The following GFM1 variants were observed in gnomAD, a reference collection of about 807,000 sequenced individuals.
The protein encoded by GFM1 is elongation factor G, mitochondrial.
Under a neutral mutation model 96.2 loss-of-function variants are expected in GFM1, and 62 were observed. The ratio of observed to expected loss-of-function variants is 0.64; its 90% CI spans 0.53 to 0.80. The LOEUF (loss-of-function observed/expected upper bound fraction) is 0.80. Among genes scored for constraint, GFM1 ranks in the 30% least tolerant of loss-of-function variants. GFM1 has a pLI of 0.00. For synonymous variants in GFM1, 282 were observed against 312.9 expected (o/e 0.90, Z 1.04); for missense variants, 852 against 916.6 (o/e 0.93, Z 0.91).
At chr3:158,655,353 G>A (rs554316689) in intron 8 of GFM1, among the ~76,000 whole-genome samples, 3 of 151,918 alleles carry the variant, frequency 2.0e-5, no homozygotes, top group Non-Finnish European at 4.4e-5. Flanking sequence ...GTATGGTGGC[G>A]GACACCTGTA....
At chr3:158,684,829 AT>A in intron 15 of GFM1, 161 bp downstream of exon 15, 1 of 671,512 alleles carries the variant, frequency 1.5e-6, no homozygotes, top group East Asian at 2.7e-5. Flanking sequence ...ATCAAGGTAG[AT>A]TATTATGTTC....
Position 158,667,132 on chromosome 3 carries a change from A to G in GFM1, c.1601+746A>G. 4 of 1,451,488 alleles carry G rather than the reference A, an allele frequency of 2.8e-6. No homozygotes were observed. In the South Asian group the frequency reaches 5.4e-5, roughly 19 times the overall value. The allele number at this position is 1,451,488 out of a possible 1,614,324, so 89.9% of individuals were successfully genotyped here. A position where few individuals can be genotyped will look rare whatever the true frequency, so the allele number is the denominator to read the frequency against. ...ACTTAATATCTTTGGCAAAAATTAC[A>G]TTTAATTTTGAAAATCATCTTTGAT... On this transcript the variant is annotated intron_variant, in intron 13 of 17. Transcript: ENST00000486715.
At position 158,690,332 on chromosome 3, in the gene GFM1, T is replaced by G; in HGVS notation, c.2070+9T>G. 1.2e-6 allele frequency: 2 copies of G among 1,612,726 alleles called. No homozygotes were observed. The highest frequency in any genetic ancestry group is 1.7e-6 in the Non-Finnish European group (2 of 1,178,742). ...TTACACTGTATGCAGATGTAAGTAG[T>G]CTTGGTCATTGGCAGTCCTGCTTTT... On this transcript the variant is annotated intron_variant, in intron 16 of 17. Coordinates refer to ENST00000486715, the MANE Select transcript of GFM1 (RefSeq NM_024996.7).
rs1322737257 is a variant in GFM1, at chr3:158,684,616, T to A, written c.1857T>A (p.Val619=). The part of the protein sequence containing the change: ...FVLQDGAHHM[V]DSNEISFIRA... ...TGCAAGATGGAGCACACCACATGGTTGATTCTAATGAAATCTCTTTCATCC... is the reference window on the plus strand; with the variant it reads ...TGCAAGATGGAGCACACCACATGGTAGATTCTAATGAAATCTCTTTCATCC... Residue 619 remains valine (V), a synonymous_variant, in exon 15 of 18, where the codon GTT becomes GTA. Transcript: ENST00000486715. 1 of 1,614,138 alleles carries A rather than the reference T, an allele frequency of 6.2e-7. No individual in the cohort carries two copies. The highest frequency in any genetic ancestry group is 2.2e-5 in the East Asian group (1 of 44,882).
intron 14 of GFM1, chr3:158,682,408 A>G (rs1218093357): frequency 2.2e-6 from 1 of 456,450 alleles, no homozygotes; most frequent in Non-Finnish European, 4.0e-6. Flanking sequence ...TTTCTTAATA[A>G]ATTGAAACTA....
intron 13 of GFM1, 64 bp downstream of exon 13, chr3:158,666,450 A>C: frequency 7.5e-7 from 1 of 1,337,322 alleles, no homozygotes; most frequent in Non-Finnish European, 1.1e-6. Context: ...TTGGATATAC[A>C]TACCACTATT....
chr3:158,687,756 C>T (rs1192813251), intron 15 of GFM1, among the ~76,000 whole-genome samples: 1 of 152,118 alleles, frequency 6.6e-6, no homozygotes, highest in Non-Finnish European at 1.5e-5. Context: ...GCGTGAGCCA[C>T]CACTGCGCCT....
rs762154779 is a variant in GFM1 at position 158,646,988 on chromosome 3, A to G, written c.572+41A>G. 186 of 1,474,338 alleles carry G rather than the reference A, an allele frequency of 1.3e-4. 1 individual carries two copies. The Admixed American group carries it at 3.0e-3, about 24-fold the overall frequency. The allele number at this position is 1,474,338 out of a possible 1,614,324, so 91.3% of individuals were successfully genotyped here. A position where few individuals can be genotyped will look rare whatever the true frequency, so the allele number is the denominator to read the frequency against. On this transcript the variant is annotated intron_variant, in intron 4 of 17. Transcript: ENST00000486715. Reference sequence around the variant, plus strand: ...ATAAACAAAGAGGATGTGATGATCTAGACAGCAAACCTTATATCCAAAAGG... The same window carrying G: ...ATAAACAAAGAGGATGTGATGATCTGGACAGCAAACCTTATATCCAAAAGG...
chr3:158,675,642 A>G (rs1454248564), intron 13 of GFM1, among the ~76,000 whole-genome samples: 1 of 152,202 alleles, frequency 6.6e-6, no homozygotes, highest in African/African-American at 2.4e-5. Context: ...GTGTTTAAAT[A>G]AAATTTTAAT....
intron 13 of GFM1, among the ~76,000 whole-genome samples, chr3:158,671,650 G>C (rs1206368527): frequency 6.6e-6 from 1 of 152,202 alleles, no homozygotes; most frequent in African/African-American, 2.4e-5. Flanking sequence ...CTAAAAGACT[G>C]TTAGCAGTTA....
At chr3:158,674,086 T>C (rs1200043582) in intron 13 of GFM1, among the ~76,000 whole-genome samples, 1 of 151,622 alleles carries the variant, frequency 6.6e-6, no homozygotes, top group East Asian at 1.9e-4. Context: ...TGACCTTTTT[T>C]TTTTTTTTTT....
intron 5 of GFM1, chr3:158,650,488 C>T (rs906060023): frequency 2.9e-5 from 5 of 173,268 alleles, no homozygotes; most frequent in Admixed American, 2.8e-4. Context: ...TACATGTCCC[C>T]TTCCCCAGCC....
intron 9 of GFM1, among the ~76,000 whole-genome samples, chr3:158,659,551 G>GCC (rs1723027900): frequency 6.6e-6 from 1 of 152,152 alleles, no homozygotes; most frequent in Non-Finnish European, 1.5e-5. Flanking sequence ...CCATATTGGG[G>GCC]CCAGAATCCA....
chr3:158,688,517 T>G (rs1470403300), intron 15 of GFM1, among the ~76,000 whole-genome samples: 2 of 152,220 alleles, frequency 1.3e-5, no homozygotes, highest in African/African-American at 4.8e-5. Context: ...ATGTTTTACA[T>G]TACTATCCTA....
In GFM1 at chr3:158,652,167, T is replaced by C; in HGVS notation, c.761T>C (p.Ile254Thr). ...AAATDHRQEL[I>T]ECVANSDEQL... The stretch of plus-strand genomic sequence containing the variant: ...GCCACTGACCACCGGCAGGAGCTAA[T>C]TGAATGTGTTGCCAATTCAGATGAA... Residue 254 changes from isoleucine (I) to threonine (T), a missense_variant, in exon 6 of 18, where the codon ATT (isoleucine) becomes ACT (threonine). Coordinates refer to ENST00000486715, the MANE Select transcript of GFM1 (RefSeq NM_024996.7). 1 of 1,613,984 alleles carries C rather than the reference T, an allele frequency of 6.2e-7. No individual in the cohort carries two copies. Among genetic ancestry groups the C allele is most frequent in the Non-Finnish European group, 8.5e-7 (1 of 1,179,820 alleles).
intron 13 of GFM1, among the ~76,000 whole-genome samples, chr3:158,674,298 A>G (rs1044936130): frequency 9.2e-5 from 14 of 151,430 alleles, no homozygotes; most frequent in Non-Finnish European, 1.3e-4. Context: ...AGTTCAGGCA[A>G]TCCTCCCTCC....
At chr3:158,680,138 CATA>C (rs539032453) in intron 13 of GFM1, among the ~76,000 whole-genome samples, 4 of 152,206 alleles carry the variant, frequency 2.6e-5, no homozygotes, top group African/African-American at 9.6e-5. Flanking sequence ...GTGGCCCTGA[CATA>C]ATTTTTCTTT....
chr3:158,651,309 AT>A (rs1394401084), intron 5 of GFM1, among the ~76,000 whole-genome samples: 2 of 152,046 alleles, frequency 1.3e-5, no homozygotes, highest in African/African-American at 4.8e-5. Flanking sequence ...CTTACTAGAG[AT>A]TGTTATGTTG....
At chr3:158,676,827 G>A (rs1724939506) in intron 13 of GFM1, among the ~76,000 whole-genome samples, 1 of 151,740 alleles carries the variant, frequency 6.6e-6, no homozygotes, top group Admixed American at 6.6e-5. Flanking sequence ...AGCTTCCCGA[G>A]TAGCTAGGAT....
Sources: allele counts gnomAD v4.1 joint callset (sites outside exome capture counted in the v4.1 genomes callset), GRCh38; gene constraint gnomAD v4.1.1; transcripts MANE v1.5; gene names NCBI Gene and HGNC (gene_info 2026-07-23, HGNC 2026-07-21).